The following SKAP2 variants were observed in gnomAD, a reference collection of about 807,000 sequenced individuals.
SKAP2 encodes the protein src kinase associated phosphoprotein 2.
Under a neutral mutation model 54.9 loss-of-function variants are expected in SKAP2, and 28 were observed. The observed-to-expected ratio is 0.51, with a 90% CI of 0.38 to 0.70. The LOEUF is 0.70. SKAP2 is among the 30% of genes least tolerant of loss of function. SKAP2 has a pLI of 0.00. For missense variants in SKAP2, 356 were observed against 424.1 expected (o/e 0.84, Z 1.41); for synonymous variants, 137 against 134.3 (o/e 1.02, Z -0.14).
chr7:26,788,222 TC>T (rs1783598710), intron 4 of SKAP2, among the ~76,000 whole-genome samples: 1 of 152,232 alleles, frequency 6.6e-6, no homozygotes. Flanking sequence ...CTGACTGCGA[TC>T]ATTTCATATT....
intron 4 of SKAP2, among the ~76,000 whole-genome samples, chr7:26,771,920 C>A (rs959666476): frequency 3.3e-5 from 5 of 152,170 alleles, no homozygotes; most frequent in Admixed American, 6.5e-5. Context: ...GGTATGGGCA[C>A]AAACTATCTG....
At chr7:26,679,065 T>G (rs758372497) in intron 11 of SKAP2, among the ~76,000 whole-genome samples, 28 of 152,198 alleles carry the variant, frequency 1.8e-4, no homozygotes, top group Non-Finnish European at 4.0e-4. Context: ...TCTTAGTTAT[T>G]CATGCTGAAG....
At chr7:26,691,615 A>G (rs1786784111) in intron 9 of SKAP2, among the ~76,000 whole-genome samples, 2 of 152,174 alleles carry the variant, frequency 1.3e-5, no homozygotes, top group Admixed American at 6.6e-5. Flanking sequence ...CACAGATGGG[A>G]CAGAAGACAA....
At chr7:26,774,168 C>T (rs1197514567) in intron 4 of SKAP2, among the ~76,000 whole-genome samples, 1 of 151,982 alleles carries the variant, frequency 6.6e-6, no homozygotes, top group East Asian at 1.9e-4. Context: ...CAAAAATTAG[C>T]TGGTAGTGGT....
At chr7:26,821,387 T>C (rs182221386) in intron 4 of SKAP2, among the ~76,000 whole-genome samples, 5 of 152,270 alleles carry the variant, frequency 3.3e-5, no homozygotes, top group Admixed American at 3.3e-4. Context: ...TGAAAGTAAT[T>C]AATGGCTTCT....
chr7:26,744,399 C>T (rs1584363955), intron 4 of SKAP2, among the ~76,000 whole-genome samples: 1 of 151,944 alleles, frequency 6.6e-6, no homozygotes, highest in East Asian at 1.9e-4. Context: ...TAGACAATTG[C>T]ATTACTGTAT....
chr7:26,855,582 C>T (rs1785145546), intron 1 of SKAP2, among the ~76,000 whole-genome samples: 1 of 152,096 alleles, frequency 6.6e-6, no homozygotes, highest in African/African-American at 2.4e-5. Context: ...AACATAAGTT[C>T]TTCCACTATA....
chr7:26,817,838 T>C (rs980797191), intron 4 of SKAP2, among the ~76,000 whole-genome samples: 2 of 152,070 alleles, frequency 1.3e-5, no homozygotes, highest in Non-Finnish European at 2.9e-5. Context: ...CCATTCACAA[T>C]TGCAACAAGA....
At chr7:26,745,707 G>T (rs1464765456) in intron 4 of SKAP2, among the ~76,000 whole-genome samples, 1 of 152,072 alleles carries the variant, frequency 6.6e-6, no homozygotes, top group Non-Finnish European at 1.5e-5. Context: ...TAGAGGCAAG[G>T]TTTCGCCATG....
At chr7:26,725,341 A>G in intron 9 of SKAP2, 87 bp downstream of exon 9, 1 of 953,570 alleles carries the variant, frequency 1.0e-6, no homozygotes, top group South Asian at 1.9e-5. Flanking sequence ...GCTGTCGAGG[A>G]CAAATCACAC....
intron 9 of SKAP2, among the ~76,000 whole-genome samples, chr7:26,700,687 T>C (rs1779261153): frequency 4.6e-5 from 7 of 152,222 alleles, no homozygotes; most frequent in African/African-American, 1.7e-4. Flanking sequence ...CCTTCTTCAC[T>C]TTCATCCGGC....
intron 3 of SKAP2, among the ~76,000 whole-genome samples, chr7:26,846,431 G>A (rs879541246): frequency 6.6e-6 from 1 of 151,942 alleles, no homozygotes; most frequent in Non-Finnish European, 1.5e-5. Context: ...TATTATGTGT[G>A]CATATATATA....
In SKAP2 at chr7:26,812,760, C is replaced by T. The variant is rs1392217021; in HGVS notation, c.307+31270G>A. Among the ~76,000 whole-genome samples, 6 of 151,742 alleles carry T rather than the reference C, an allele frequency of 4.0e-5. No individual in the cohort carries two copies. The South Asian group carries it at 1.0e-3, about 26-fold the overall frequency. On this transcript the variant is annotated intron_variant, in intron 4 of 12. Coordinates refer to ENST00000345317, the MANE Select transcript of SKAP2 (RefSeq NM_003930.5). Reference sequence around the variant, plus strand: ...TCTATGGTCGTATCACTTTTTATACCATCTTCCTTAAAATCTTGAGATTCA... The same window carrying T: ...TCTATGGTCGTATCACTTTTTATACTATCTTCCTTAAAATCTTGAGATTCA...
chr7:26,693,229 G>C (rs1168520345), intron 9 of SKAP2, among the ~76,000 whole-genome samples: 1 of 150,884 alleles, frequency 6.6e-6, no homozygotes, highest in Non-Finnish European at 1.5e-5. Context: ...CTACTCAGGA[G>C]ACTGAGGAAG....
At chr7:26,662,918 T>TGAG (rs1241957841), downstream of SKAP2, among the ~76,000 whole-genome samples, 3 of 151,892 alleles carry the variant, frequency 2.0e-5, no homozygotes, top group Non-Finnish European at 4.4e-5. Context: ...TGGAATAGCC[T>TGAG]GAGGAGGAGG....
chr7:26,656,715 T>TA, the SKAP2 span, among the ~76,000 whole-genome samples: 1 of 152,194 alleles, frequency 6.6e-6, no homozygotes, highest in African/African-American at 2.4e-5. Flanking sequence ...GTAACTGGGT[T>TA]TGAGAATGAG....
At chr7:26,744,511 T>C (rs1027579722) in intron 4 of SKAP2, among the ~76,000 whole-genome samples, 4 of 151,980 alleles carry the variant, frequency 2.6e-5, no homozygotes, top group Non-Finnish European at 2.9e-5. Flanking sequence ...GGCAAGGGAA[T>C]GGGGGTGAGA....
At chr7:26,832,987 C>CT (rs1784627324) in intron 4 of SKAP2, among the ~76,000 whole-genome samples, 1 of 152,192 alleles carries the variant, frequency 6.6e-6, no homozygotes, top group Non-Finnish European at 1.5e-5. Context: ...ACTCCACTCT[C>CT]TCATTCTCTA....
At chr7:26,744,747 C>A (rs886389139) in intron 4 of SKAP2, among the ~76,000 whole-genome samples, 1 of 151,992 alleles carries the variant, frequency 6.6e-6, no homozygotes, top group East Asian at 1.9e-4. Flanking sequence ...CATACACACA[C>A]ACACACAAAC....
Sources: allele counts gnomAD v4.1 joint callset (sites outside exome capture counted in the v4.1 genomes callset), GRCh38; gene constraint gnomAD v4.1.1; transcripts MANE v1.5; gene names NCBI Gene and HGNC (gene_info 2026-07-23, HGNC 2026-07-21).